The following KLK9 variants were observed in gnomAD, a reference collection of about 807,000 sequenced individuals.
The protein encoded by KLK9 is kallikrein related peptidase 9.
A neutral mutation model predicts 23.3 loss-of-function variants in KLK9; 26 were observed. That is an observed-to-expected ratio of 1.12 (90% CI 0.82 to 1.55). The LOEUF is 1.55. Ranked by LOEUF, KLK9 falls within the 40% of genes most tolerant of loss-of-function variation. The pLI is 0.00. For synonymous variants in KLK9, 122 were observed against 128.5 expected, an observed-to-expected ratio of 0.95 and a Z score of 0.34; for missense variants, 346 against 333.7, an observed-to-expected ratio of 1.04 and a Z score of -0.29.
chr19:51,003,782 A>G lies in KLK9; in HGVS notation c.525T>C (p.Cys175=), dbSNP rs753014437. 1 of 1,613,630 alleles carries G rather than the reference A, an allele frequency of 6.2e-7. No homozygotes were observed. Among genetic ancestry groups the G allele is most frequent in the Non-Finnish European group, 8.5e-7 (1 of 1,179,570 alleles). The change falls in exon 4 of 5, where the codon TGT becomes TGC. Residue 175 remains cysteine, a synonymous_variant. Coordinates refer to ENST00000594211, the MANE Select transcript of KLK9 (RefSeq NM_012315.2). ...ANISILENKL[C]HWAYPGHISD... Reference sequence around the variant, plus strand: ...AGATGTGTCCAGGGTATGCCCAGTGACAGAGTTTGTTCTCCAGGATGCTGA... The same window carrying G: ...AGATGTGTCCAGGGTATGCCCAGTGGCAGAGTTTGTTCTCCAGGATGCTGA...
chr19:51,003,280 A>G lies in KLK9; in HGVS notation c.604-20T>C, dbSNP rs1316170536. On this transcript the variant is annotated intron_variant, in intron 4 of 4. Coordinates refer to ENST00000594211, the MANE Select transcript of KLK9 (RefSeq NM_012315.2). Reference sequence around the variant, plus strand: ...GTCACCCTGTACGCGAGAGAAGGGCAGAGGAACTGTTAGGCCACTCTGTTC... The same window carrying G: ...GTCACCCTGTACGCGAGAGAAGGGCGGAGGAACTGTTAGGCCACTCTGTTC... 3.1e-6 allele frequency: 5 copies of G among 1,606,680 alleles called. No individual in the cohort carries two copies. In the East Asian group the frequency reaches 1.1e-4, roughly 36 times the overall value.
chr19:51,007,568 C>T (rs1240907789), intron 2 of KLK9, among the ~76,000 whole-genome samples: 4 of 151,850 alleles, frequency 2.6e-5, no homozygotes, highest in Non-Finnish European at 2.9e-5. Context: ...TCACTCTCTT[C>T]CACCTTCATA....
chr19:51,002,931 G>T lies in KLK9; in HGVS notation c.*180C>A. On this transcript the variant is annotated 3_prime_UTR_variant, in exon 5 of 5. Coordinates refer to ENST00000594211, the MANE Select transcript of KLK9 (RefSeq NM_012315.2). ...CTCCGTTCCGAGGGGGCGCGACTGT[G>T]TCTTGCTTGACCTCGTGAGGGGGCG... is the stretch of plus-strand genomic sequence containing the variant. 1 of 723,044 alleles carries T rather than the reference G, an allele frequency of 1.4e-6. No homozygotes were observed. The highest frequency in any genetic ancestry group is 2.2e-6 in the Non-Finnish European group (1 of 445,332). The allele number at this position is 723,044 out of a possible 1,614,324, so 44.8% of individuals were successfully genotyped here. A position where few individuals can be genotyped will look rare whatever the true frequency, so the allele number is the denominator to read the frequency against.
chr19:51,003,332 C>A, intron 4 of KLK9, 72 bp from the exon 5 acceptor site: 1 of 1,488,938 alleles, frequency 6.7e-7, no homozygotes, highest in South Asian at 1.3e-5. Context: ...CCACTTCCTC[C>A]CTCCCAGAAA....
intron 4 of KLK9, 61 bp downstream of exon 4, chr19:51,003,643 C>A (rs1027363105): frequency 1.4e-6 from 2 of 1,475,002 alleles, no homozygotes; most frequent in Non-Finnish European, 1.9e-6. Flanking sequence ...GACCCCTCTG[C>A]TCCCCTAAAT....
At position 51,002,925 on chromosome 19, in the gene KLK9, G is replaced by T; in HGVS notation, c.*186C>A. On this transcript the variant is annotated 3_prime_UTR_variant, in exon 5 of 5. Transcript: ENST00000594211. ...TCCCTGCTCCGTTCCGAGGGGGCGC[G>T]ACTGTGTCTTGCTTGACCTCGTGAG... 1 of 681,042 alleles carries T rather than the reference G, an allele frequency of 1.5e-6. No homozygotes were observed. The highest frequency in any genetic ancestry group is 2.7e-5 in the East Asian group (1 of 36,850). 42.2% of individuals were successfully genotyped at this position (681,042 alleles called of 1,614,324 possible).
intron 2 of KLK9, among the ~76,000 whole-genome samples, chr19:51,007,276 C>T (rs139269216): frequency 1.9e-4 from 29 of 152,050 alleles, no homozygotes; most frequent in African/African-American, 6.5e-4. Context: ...CAATGCATGT[C>T]TTCCTGGTGT....
chr19:51,002,897 G>C lies in KLK9; in HGVS notation c.*214C>G. The C allele has an allele frequency of 1.9e-6, 1 of 517,826 alleles. No individual in the cohort carries two copies. 32.1% of individuals were successfully genotyped at this position (517,826 alleles called of 1,614,324 possible). A position where few individuals can be genotyped will look rare whatever the true frequency, so the allele number is the denominator to read the frequency against. ...GTCATAGAGACGGGCTCTGAAGGGCGTGTCCCTGCTCCGTTCCGAGGGGGC... is the reference window on the plus strand; with the variant it reads ...GTCATAGAGACGGGCTCTGAAGGGCCTGTCCCTGCTCCGTTCCGAGGGGGC... On this transcript the variant is annotated 3_prime_UTR_variant, in exon 5 of 5. Coordinates refer to ENST00000594211, the MANE Select transcript of KLK9 (RefSeq NM_012315.2).
At position 51,006,795 on chromosome 19, in the gene KLK9, T is replaced by G. The variant is rs2091257527; in HGVS notation, c.201-72A>C. 1 of 1,445,082 alleles carries G rather than the reference T, an allele frequency of 6.9e-7. No homozygotes were observed. Among genetic ancestry groups the G allele is most frequent in the Non-Finnish European group, 9.2e-7 (1 of 1,088,638 alleles). The allele number at this position is 1,445,082 out of a possible 1,614,324, so 89.5% of individuals were successfully genotyped here. On this transcript the variant is annotated intron_variant, in intron 2 of 4. Coordinates refer to ENST00000594211, the MANE Select transcript of KLK9 (RefSeq NM_012315.2). The surrounding 1 kb of genome is among the most constrained non-coding windows in gnomAD (Gnocchi z 4.1). ...CCTTTCAGCCCCAGCCCTCTTTTCC[T>G]GTCCATCAGGGTGCTGTGTGACCCT...
At chr19:51,008,310 C>T (rs1029846493) in intron 2 of KLK9, among the ~76,000 whole-genome samples, 1 of 132,934 alleles carries the variant, frequency 7.5e-6, no homozygotes, top group African/African-American at 2.9e-5. Flanking sequence ...TGCACTCCAG[C>T]CTGGGAGATA....
intron 2 of KLK9, among the ~76,000 whole-genome samples, chr19:51,007,811 T>C (rs1420116669): frequency 1.3e-5 from 2 of 152,068 alleles, no homozygotes; most frequent in Admixed American, 1.3e-4. Context: ...ATCAGGTGGA[T>C]TCCAGGATAC....
rs1298409360 is a variant in KLK9, at chr19:51,003,787, G to A, written c.520C>T (p.Leu174Phe). Reference sequence around the variant, plus strand: ...TGTCCAGGGTATGCCCAGTGACAGAGTTTGTTCTCCAGGATGCTGATGTTG... The same window carrying A: ...TGTCCAGGGTATGCCCAGTGACAGAATTTGTTCTCCAGGATGCTGATGTTG... ...CANISILENK[L>F]CHWAYPGHIS... Residue 174 changes from leucine (L) to phenylalanine (F), a missense_variant, in exon 4 of 5, where the codon CTC becomes TTC. Transcript: ENST00000594211. 5.0e-6 allele frequency: 8 copies of A among 1,613,560 alleles called. No individual in the cohort carries two copies. The highest frequency in any genetic ancestry group is 1.3e-5 in the African/African-American group (1 of 74,930).
rs990710207 is a variant in KLK9, at chr19:51,009,265, G to A, written c.118C>T (p.Leu40Phe). The change falls in exon 2 of 5, where the codon CTC (leucine) becomes TTC (phenylalanine). Residue 40 changes from leucine to phenylalanine, a missense_variant. Leu to Phe is a conservative substitution (Grantham distance 22). Transcript: ENST00000594211. This position sits in a 1 kb window ranked among gnomAD's most constrained non-coding sequence, Gnocchi z 4.8. Reference sequence around the variant, plus strand: ...CAGAAGAGCCGAGTAAGGTGGAAGAGGCCGGCCTGCCAAGGCTGGGAGTTG... The same window carrying A: ...CAGAAGAGCCGAGTAAGGTGGAAGAAGCCGGCCTGCCAAGGCTGGGAGTTG... ...RPNSQPWQAG[L>F]FHLTRLFCGA... The A allele has an allele frequency of 6.2e-7, 1 of 1,608,072 alleles. No homozygotes were observed. Among genetic ancestry groups the A allele is most frequent in the Non-Finnish European group, 8.5e-7 (1 of 1,177,874 alleles).
chr19:51,006,445 G>A lies in KLK9; in HGVS notation c.466+13C>T, dbSNP rs556748431. 1.1e-4 allele frequency: 175 copies of A among 1,596,918 alleles called. 2 individuals carry two copies. In the South Asian group the frequency reaches 1.8e-3, roughly 17 times the overall value. The stretch of plus-strand genomic sequence containing the variant: ...GGAGCAAGTTTCAGAGAGAGTTCTG[G>A]GCCAGGTCATACCCTTGGGGCTGGA... On this transcript the variant is annotated intron_variant, in intron 3 of 4. Transcript: ENST00000594211. The surrounding 1 kb of genome is among the most constrained non-coding windows in gnomAD (Gnocchi z 4.1).
rs1490017273 is a variant in KLK9 at position 51,009,127 on chromosome 19, C to CT, written c.200+55dup. ...CTTCTGGCCTAAAGCACCCCTCACC[C>CT]TCTCCTGACCCCCAGCCTCTGTCCC... On this transcript the variant is annotated intron_variant, in intron 2 of 4. Coordinates refer to ENST00000594211, the MANE Select transcript of KLK9 (RefSeq NM_012315.2). This position sits in a 1 kb window ranked among gnomAD's most constrained non-coding sequence, Gnocchi z 4.8. 16 of 1,556,700 alleles carry CT rather than the reference C, an allele frequency of 1.0e-5. No homozygotes were observed. The highest frequency in any genetic ancestry group is 1.4e-5 in the Non-Finnish European group (16 of 1,156,004).
intron 4 of KLK9, 59 bp from the exon 5 acceptor site, chr19:51,003,319 G>A (rs748499042): frequency 2.6e-6 from 4 of 1,521,722 alleles, no homozygotes; most frequent in South Asian, 2.5e-5. Context: ...ACAATTACAC[G>A]GGCCACTTCC....
In KLK9 at chr19:51,003,738, G is replaced by A. The variant is rs923734037; in HGVS notation, c.569C>T (p.Ala190Val). The A allele has an allele frequency of 8.1e-6, 13 of 1,613,128 alleles. No individual in the cohort carries two copies. The highest frequency in any genetic ancestry group is 8.0e-5 in the African/African-American group (6 of 75,000). ...ACCTCGGCCCCCCTCCCACAGGCCC[G>A]CACAGAGCATGCTGTCCGAGATGTG... ...PGHISDSMLC[A>V]GLWEGGRGSC... The change falls in exon 4 of 5, where the codon GCG becomes GTG. Residue 190 changes from alanine (A) to valine (V), a missense_variant. Physicochemically the swap from Ala to Val is moderately conservative, Grantham distance 64 (BLOSUM62 0). Transcript: ENST00000594211.
Position 51,009,352 on chromosome 19 carries a change from T to G in KLK9, c.44-13A>C, listed in dbSNP as rs2091267675. On this transcript the variant is annotated splice_polypyrimidine_tract_variant and intron_variant, in intron 1 of 4. Coordinates refer to ENST00000594211, the MANE Select transcript of KLK9 (RefSeq NM_012315.2). The surrounding 1 kb of genome is among the most constrained non-coding windows in gnomAD (Gnocchi z 4.8). Reference sequence around the variant, plus strand: ...GCCCAGCCATGCCCTGGGGTGGGGATGAGGGACAAAGGGGTCAGCGAAGAG... The same window carrying G: ...GCCCAGCCATGCCCTGGGGTGGGGAGGAGGGACAAAGGGGTCAGCGAAGAG... The G allele has an allele frequency of 6.4e-7, 1 of 1,570,334 alleles. No individual in the cohort carries two copies. Among genetic ancestry groups the G allele is most frequent in the Admixed American group, 1.8e-5 (1 of 55,530 alleles).
In KLK9 at chr19:51,009,381, G is replaced by C. The variant is rs762613848; in HGVS notation, c.44-42C>G. 2 of 1,549,670 alleles carry C rather than the reference G, an allele frequency of 1.3e-6. No homozygotes were observed. Among genetic ancestry groups the C allele is most frequent in the East Asian group, 4.6e-5 (2 of 43,932 alleles). On this transcript the variant is annotated intron_variant, in intron 1 of 4. Coordinates refer to ENST00000594211, the MANE Select transcript of KLK9 (RefSeq NM_012315.2). The surrounding 1 kb of genome is among the most constrained non-coding windows in gnomAD (Gnocchi z 4.8). ...GGACAAAGGGGTCAGCGAAGAGCAG[G>C]CTGGGAGGGCAGGGAGAGGATGCTG...
Sources: allele counts gnomAD v4.1 joint callset (sites outside exome capture counted in the v4.1 genomes callset), GRCh38; gene constraint gnomAD v4.1.1; non-coding constraint Gnocchi (gnomAD v3.1); transcripts MANE v1.5; gene names NCBI Gene and HGNC (gene_info 2026-07-23, HGNC 2026-07-21).